PPA2: variants seen among roughly 807,000 people sequenced by gnomAD.
The protein encoded by PPA2 is inorganic pyrophosphatase 2.
In PPA2, 48 loss-of-function variants were observed where a neutral mutation model predicts 49.5. That is an observed-to-expected ratio of 0.97 (90% CI 0.77 to 1.23). The LOEUF (loss-of-function observed/expected upper bound fraction) is 1.23. Ranked by LOEUF, PPA2 falls within the 50% of genes most tolerant of loss-of-function variation. The pLI, the probability that PPA2 is intolerant of heterozygous loss-of-function variation, is 0.00. For synonymous variants in PPA2, 131 were observed against 139.9 expected (o/e 0.94, Z 0.45); for missense variants, 429 against 410.1 (o/e 1.05, Z -0.40).
chr4:105,448,577 A>G (rs186873352), intron 4 of PPA2, among the ~76,000 whole-genome samples: 2 of 146,478 alleles, frequency 1.4e-5, no homozygotes, highest in Non-Finnish European at 3.0e-5. Context: ...GAAAAATTTA[A>G]AAAAAAAAAA....
chr4:105,426,778 A>C (rs1723532533), intron 6 of PPA2, among the ~76,000 whole-genome samples: 1 of 152,248 alleles, frequency 6.6e-6, no homozygotes, highest in Non-Finnish European at 1.5e-5. Flanking sequence ...GGCAGAGCAC[A>C]TCTGAACAAA....
chr4:105,396,538 C>G (rs1322634453), intron 8 of PPA2, among the ~76,000 whole-genome samples: 1 of 152,146 alleles, frequency 6.6e-6, no homozygotes, highest in Non-Finnish European at 1.5e-5. Flanking sequence ...GCCTCAATTT[C>G]TTCATCTATG....
intron 10 of PPA2, among the ~76,000 whole-genome samples, chr4:105,382,580 C>T (rs1733530731): frequency 6.6e-6 from 1 of 152,156 alleles, no homozygotes; most frequent in Non-Finnish European, 1.5e-5. Flanking sequence ...TATAAATTCT[C>T]TAAGCCTTGC....
chr4:105,432,962 G>A (rs1220204786), intron 6 of PPA2, among the ~76,000 whole-genome samples: 1 of 152,098 alleles, frequency 6.6e-6, no homozygotes, highest in Non-Finnish European at 1.5e-5. Flanking sequence ...TGTAAAATTT[G>A]AAAATAAAAA....
intron 1 of PPA2, among the ~76,000 whole-genome samples, chr4:105,458,053 G>C (rs1014162512): frequency 2.6e-5 from 4 of 152,110 alleles, no homozygotes; most frequent in Admixed American, 2.6e-4. Context: ...GAACCAATCT[G>C]AAAGAGTCCC....
intron 5 of PPA2, among the ~76,000 whole-genome samples, chr4:105,441,739 A>G (rs1233153880): frequency 6.6e-6 from 1 of 152,180 alleles, no homozygotes; most frequent in African/African-American, 2.4e-5. Context: ...AAGCTATAAA[A>G]ATGAATAAAT....
intron 10 of PPA2, among the ~76,000 whole-genome samples, chr4:105,378,476 A>T (rs954763989): frequency 2.0e-5 from 3 of 152,124 alleles, no homozygotes; most frequent in Non-Finnish European, 2.9e-5. Context: ...TTCTTTATAT[A>T]TTCTGAATAC....
chr4:105,445,530 C>T (rs7671891), intron 5 of PPA2, among the ~76,000 whole-genome samples: 14,079 of 152,028 alleles, frequency 0.093, 1,344 homozygotes, highest in African/African-American at 0.25. Context: ...ACACGGGCAG[C>T]TGCTTTTTCA....
intron 1 of PPA2, chr4:105,473,286 A>G (rs924473545): frequency 1.0e-5 from 2 of 194,992 alleles, no homozygotes; most frequent in South Asian, 6.6e-5. Context: ...GCTGCTCCGG[A>G]ACCAACGAGG....
Position 105,449,401 on chromosome 4 carries a change from A to C in PPA2, c.270T>G (p.Asn90Lys), listed in dbSNP as rs1722569684. 1 of 1,570,904 alleles carries C rather than the reference A, an allele frequency of 6.4e-7. No homozygotes were observed. Among genetic ancestry groups the C allele is most frequent in the East Asian group, 2.3e-5 (1 of 44,366 alleles). ...MKKARNDEYE[N>K]LFNMIVEIPR... ...GTATTTCTACAATCATATTAAACAG[A>C]TTCTGCAGTTAAAAACAAAACAAAG... The change falls in exon 4 of 12, where the codon AAT (asparagine) becomes AAG (lysine). Residue 90 changes from asparagine (N) to lysine (K), a missense_variant and splice_region_variant. By Grantham distance (94) the Asn-to-Lys change is moderately conservative. Coordinates refer to ENST00000341695, the MANE Select transcript of PPA2 (RefSeq NM_176869.3).
At chr4:105,454,087 G>A (rs1278861422) in intron 2 of PPA2, among the ~76,000 whole-genome samples, 1 of 152,046 alleles carries the variant, frequency 6.6e-6, no homozygotes, top group Non-Finnish European at 1.5e-5. Flanking sequence ...CCTCCACCAA[G>A]CACTTTTTTT....
chr4:105,426,847 A>G lies in PPA2; in HGVS notation c.529-2525T>C, dbSNP rs60734979. On this transcript the variant is annotated intron_variant, in intron 6 of 11. Transcript: ENST00000341695. ...CCTGCCTGACAGCTCTGAAGAGAGC[A>G]GTAGTTCTTCCAGCATGGCATTTGA... Among the ~76,000 whole-genome samples, 1,273 of 152,334 alleles carry G rather than the reference A, an allele frequency of 8.4e-3. 20 individuals are homozygous for G. The highest frequency in any genetic ancestry group is 0.028 in the African/African-American group (1,172 of 41,586).
Position 105,473,923 on chromosome 4 carries a change from G to A in PPA2, c.128C>T (p.Pro43Leu), listed in dbSNP as rs776544024. The stretch of plus-strand genomic sequence containing the variant: ...GAAGAGGCGGTAATTCTGCGAGCAG[G>A]GCTGGCCGCGCTCCTCAGTGTGGTA... ...ALYHTEERGQ[P>L]CSQNYRLFFK... The change falls in exon 1 of 12, where the codon CCC becomes CTC. Residue 43 changes from proline to leucine, a missense_variant. Coordinates refer to ENST00000341695, the MANE Select transcript of PPA2 (RefSeq NM_176869.3). The A allele has an allele frequency of 1.9e-5, 30 of 1,607,674 alleles. No individual in the cohort carries two copies. The highest frequency in any genetic ancestry group is 6.0e-6 in the Non-Finnish European group (7 of 1,175,976).
chr4:105,376,444 A>G (rs577988497), intron 10 of PPA2, among the ~76,000 whole-genome samples: 3 of 152,132 alleles, frequency 2.0e-5, no homozygotes, highest in Non-Finnish European at 2.9e-5. Context: ...AACACCATCC[A>G]TTTAGCATCC....
At chr4:105,372,284 C>T (rs957882501) in intron 10 of PPA2, among the ~76,000 whole-genome samples, 16 of 152,314 alleles carry the variant, frequency 1.1e-4, no homozygotes, top group African/African-American at 3.6e-4. Context: ...GCCCCTTGGT[C>T]TTCTTGCCCT....
chr4:105,463,012 G>C (rs146463955), intron 1 of PPA2, among the ~76,000 whole-genome samples: 3,377 of 152,282 alleles, frequency 0.022, 130 homozygotes, highest in African/African-American at 0.076. Flanking sequence ...ATTGGTACCA[G>C]TAGAGTGCGG....
intron 6 of PPA2, 69 bp downstream of exon 6, chr4:105,437,881 T>TA: frequency 1.6e-6 from 2 of 1,249,134 alleles, no homozygotes; most frequent in Non-Finnish European, 1.1e-6. Flanking sequence ...AACTAGAGGC[T>TA]AAAATGAAAT....
At chr4:105,416,773 G>A (rs1488853131) in intron 7 of PPA2, among the ~76,000 whole-genome samples, 4 of 152,098 alleles carry the variant, frequency 2.6e-5, no homozygotes, top group East Asian at 1.9e-4. Flanking sequence ...ACATTCATGG[G>A]CTAATGAAGA....
rs201477079 is a variant in PPA2 at position 105,396,350 on chromosome 4, C to T, written c.784-16G>A. 2.7e-6 allele frequency: 3 copies of T among 1,103,326 alleles called. No individual in the cohort carries two copies. The highest frequency in any genetic ancestry group is 3.8e-6 in the Non-Finnish European group (3 of 782,420). The allele number at this position is 1,103,326 out of a possible 1,614,324, so 68.3% of individuals were successfully genotyped here. ...GAGCAAAAGCCTAGCTCCAAACAAA[C>T]AAATAAAAAAAGACGTATTTAATAT... On this transcript the variant is annotated splice_polypyrimidine_tract_variant and intron_variant, in intron 8 of 11. Coordinates refer to ENST00000341695, the MANE Select transcript of PPA2 (RefSeq NM_176869.3).
Sources: gnomAD v4.1 joint callset for allele counts (sites outside exome capture counted in the v4.1 genomes callset) on GRCh38, gnomAD v4.1.1 for gene constraint, MANE v1.5 for transcripts, NCBI Gene and HGNC (gene_info 2026-07-23, HGNC 2026-07-21) for gene names.